Variants in POLGARF observed in about 807,000 individuals in gnomAD.
POLGARF encodes POLG alternative reading frame.
the POLGARF span, chr15:89,330,302 T>A: frequency 6.3e-7 from 1 of 1,584,222 alleles, no homozygotes; most frequent in Non-Finnish European, 8.6e-7. Context: ...GGCAGGCAGG[T>A]TCACCATGGA....
the POLGARF span, chr15:89,333,690 G>A: frequency 1.9e-6 from 3 of 1,543,922 alleles, no homozygotes; most frequent in Non-Finnish European, 2.6e-6. Flanking sequence ...CCAGCGCCCC[G>A]GAGCTGGAAC....
At chr15:89,332,310 A>G in the POLGARF span, 8 of 152,264 alleles carry the variant, frequency 5.3e-5, no homozygotes, top group African/African-American at 1.9e-4. Flanking sequence ...ATAGGAATAA[A>G]GAAACTGCCA....
chr15:89,331,123 C>T, the POLGARF span, among the ~76,000 whole-genome samples: 2 of 141,742 alleles, frequency 1.4e-5, no homozygotes, highest in African/African-American at 5.6e-5. Context: ...TGCGAAGGAG[C>T]TCCTTGCAAC....
chr15:89,332,034 G>A, the POLGARF span, among the ~76,000 whole-genome samples: 5 of 152,304 alleles, frequency 3.3e-5, no homozygotes, highest in East Asian at 9.6e-4. Flanking sequence ...AATCTTTCTT[G>A]TCACTGGTTT....
chr15:89,331,265 G>C, the POLGARF span, among the ~76,000 whole-genome samples: 1 of 152,140 alleles, frequency 6.6e-6, no homozygotes, highest in Non-Finnish European at 1.5e-5. Flanking sequence ...ACTCCAAATG[G>C]TGAAAATAAG....
the POLGARF span, chr15:89,332,962 G>T: frequency 8.3e-7 from 1 of 1,206,262 alleles, no homozygotes; most frequent in Non-Finnish European, 1.1e-6. Flanking sequence ...CAGGGGTCTA[G>T]TCCTAATTCA....
chr15:89,333,633 C>A, the POLGARF span: 1 of 1,564,744 alleles, frequency 6.4e-7, no homozygotes, highest in Non-Finnish European at 8.7e-7. Context: ...CTGCTGCCGC[C>A]GCCGCTGCCC....
the POLGARF span, chr15:89,333,458 C>T: frequency 1.9e-6 from 3 of 1,610,868 alleles, no homozygotes; most frequent in East Asian, 4.5e-5. Flanking sequence ...TGCGGCGCAC[C>T]GCGGCCTCGC....
chr15:89,333,308 G>A, the POLGARF span: 1 of 1,556,526 alleles, frequency 6.4e-7, no homozygotes, highest in Non-Finnish European at 8.7e-7. Flanking sequence ...CCTCCAGGTA[G>A]GGCAGGCTCT....
chr15:89,333,473 C>A, the POLGARF span: 4 of 1,612,230 alleles, frequency 2.5e-6, no homozygotes, highest in South Asian at 2.2e-5. Context: ...CCTCGCCAGG[C>A]ATCTCCCCTC....
chr15:89,333,717 G>C, the POLGARF span: 12 of 1,536,722 alleles, frequency 7.8e-6, no homozygotes, highest in Non-Finnish European at 1.0e-5. Context: ...TGGCCCGACG[G>C]TGGCGCCGGC....
chr15:89,332,728 C>G, the POLGARF span, among the ~76,000 whole-genome samples: 1 of 152,204 alleles, frequency 6.6e-6, no homozygotes, highest in East Asian at 1.9e-4. Flanking sequence ...TTAATAGCTC[C>G]CCAAATAGAA....
At chr15:89,331,151 A>C in the POLGARF span, among the ~76,000 whole-genome samples, 1 of 151,962 alleles carries the variant, frequency 6.6e-6, no homozygotes, top group Non-Finnish European at 1.5e-5. Flanking sequence ...GAAGGGAAAA[A>C]GGGAGTATCT....
At chr15:89,333,388 C>T in the POLGARF span, 9 of 1,587,298 alleles carry the variant, frequency 5.7e-6, no homozygotes, top group Admixed American at 1.8e-5. Flanking sequence ...CGCAGCTCCA[C>T]GTCGGGCAAG....
At chr15:89,333,750 C>G in the POLGARF span, 1 of 1,535,274 alleles carries the variant, frequency 6.5e-7, no homozygotes, top group Non-Finnish European at 8.7e-7. Flanking sequence ...GAGCAGGCGG[C>G]TCATGGTTGG....
the POLGARF span, among the ~76,000 whole-genome samples, chr15:89,331,486 G>T: frequency 6.6e-6 from 1 of 152,196 alleles, no homozygotes; most frequent in African/African-American, 2.4e-5. Context: ...TGATTAAAAA[G>T]AAACAAGCCA....
chr15:89,331,256 C>G, the POLGARF span, among the ~76,000 whole-genome samples: 2 of 152,200 alleles, frequency 1.3e-5, no homozygotes, highest in African/African-American at 4.8e-5. Flanking sequence ...CGAACTCATA[C>G]TCCAAATGGT....
At chr15:89,333,073 T>A in the POLGARF span, 3 of 1,504,676 alleles carry the variant, frequency 2.0e-6, no homozygotes, top group South Asian at 2.7e-5. Context: ...CCTGCTTATG[T>A]CCCCAACCCT....
At chr15:89,333,598 G>T in the POLGARF span, 1 of 1,352,650 alleles carries the variant, frequency 7.4e-7, no homozygotes. Context: ...GGCTGCTGTT[G>T]CTGCTGCTGC....
Sources: allele counts gnomAD v4.1 joint callset (sites outside exome capture counted in the v4.1 genomes callset), GRCh38; gene constraint gnomAD v4.1.1; transcripts MANE v1.5; gene names NCBI Gene and HGNC (gene_info 2026-07-23, HGNC 2026-07-21).